NEB: variants seen among roughly 807,000 people sequenced by gnomAD.
The protein encoded by NEB is nebulin, also known as nemaline myopathy type 2.
In NEB, 512 loss-of-function variants were observed where a neutral mutation model predicts 952.2. The observed-to-expected ratio is 0.54, with a 90% CI of 0.50 to 0.58. The LOEUF is 0.58. NEB is among the 20% of genes least tolerant of loss of function. The pLI is 0.00. For synonymous variants in NEB, 2,900 were observed against 3,149.8 expected (o/e 0.92, Z 2.66); for missense variants, 8,428 against 9,231.1 (o/e 0.91, Z 3.56).
chr2:151,507,529 A>G lies in NEB; in HGVS notation c.23451+476T>C, dbSNP rs151190834. On this transcript the variant is annotated intron_variant, in intron 162 of 181. Transcript: ENST00000397345. ...GAGGAAAGGAGCCAAAGACACAGAG[A>G]TACTAGGAGAATCTGAACAAACAGC... Among the ~76,000 whole-genome samples, 345 of 152,324 alleles carry G rather than the reference A, an allele frequency of 2.3e-3. 8 individuals carry two copies. In the East Asian group the frequency reaches 0.044, roughly 20 times the overall value.
rs1464628090 is a variant in NEB, at chr2:151,609,714, G to A, written c.12330+95C>T. 11 of 1,256,310 alleles carry A rather than the reference G, an allele frequency of 8.8e-6. No individual in the cohort carries two copies. In the South Asian group the frequency reaches 1.3e-4, roughly 15 times the overall value. 77.8% of individuals were successfully genotyped at this position (1,256,310 alleles called of 1,614,324 possible). On this transcript the variant is annotated intron_variant, in intron 81 of 181. Transcript: ENST00000397345. The stretch of plus-strand genomic sequence containing the variant: ...AGCCCCACCCCCAGGTTTGTGCAGT[G>A]CACAGCCCAGGGGACTGTCCTCAGA...
Position 151,640,381 on chromosome 2 carries a change from G to A in NEB, c.8659C>T (p.Arg2887Trp), listed in dbSNP as rs748618562. The A allele has an allele frequency of 9.3e-6, 15 of 1,613,900 alleles. No homozygotes were observed. Among genetic ancestry groups the A allele is most frequent in the Admixed American group, 5.0e-5 (3 of 60,010 alleles). ...LPDQSDVIHA[R>W]QAYDLQSDNM... is the part of the protein sequence containing the mutation. ...TCGCTCTGGAGGTCATAGGCCTGCC[G>A]AGCATGGATGACGTCGCTCTGGTCG... The change falls in exon 61 of 182, where the codon CGG (arginine) becomes TGG (tryptophan). Residue 2887 changes from arginine to tryptophan, a missense_variant. By Grantham distance (101) the Arg-to-Trp change is moderately radical. Around this residue, in one of 11 missense-constraint regions of NEB, gnomAD observed 1,772 missense variants for 1,960.3 expected, o/e 0.90. Coordinates refer to ENST00000397345, the MANE Select transcript of NEB (RefSeq NM_001164508.2).
At chr2:151,658,987 G>T in intron 47 of NEB, 78 bp downstream of exon 47, 1 of 987,486 alleles carries the variant, frequency 1.0e-6, no homozygotes, top group Non-Finnish European at 1.6e-6. Context: ...TCATAACTGA[G>T]AGAGATATTA....
At chr2:151,694,737 C>T (rs989388174) in intron 18 of NEB, 108 bp from the exon 19 acceptor site, 3 of 819,710 alleles carry the variant, frequency 3.7e-6, no homozygotes, top group Non-Finnish European at 5.9e-6. Flanking sequence ...AATAAATGGG[C>T]CCTTTTTATT....
intron 65 of NEB, among the ~76,000 whole-genome samples, chr2:151,633,188 G>A (rs2098702794): frequency 6.6e-6 from 1 of 152,140 alleles, no homozygotes; most frequent in African/African-American, 2.4e-5. Context: ...TCCATAGACA[G>A]CCAGGCTAAG....
intron 60 of NEB, among the ~76,000 whole-genome samples, chr2:151,642,116 A>T (rs2098869737): frequency 6.6e-6 from 1 of 152,214 alleles, no homozygotes; most frequent in Non-Finnish European, 1.5e-5. Flanking sequence ...AAAGAAAGCA[A>T]ATATTTGTAA....
In NEB at chr2:151,688,654, C is replaced by T. The variant is rs560763551; in HGVS notation, c.2311-258G>A. Among the ~76,000 whole-genome samples the T allele has an allele frequency of 1.2e-3, 188 of 152,262 alleles. 2 individuals are homozygous for T. Among genetic ancestry groups the T allele is most frequent in the African/African-American group, 3.9e-3 (164 of 41,552 alleles). On this transcript the variant is annotated intron_variant, in intron 24 of 181. Transcript: ENST00000397345. ...ATCATAGATGGCACTGAACCCTATA[C>T]ATACCATGTTCTTTCCTATACATAT...
chr2:151,499,825 C>T (rs929909739), intron 168 of NEB, among the ~76,000 whole-genome samples: 2 of 152,128 alleles, frequency 1.3e-5, no homozygotes, highest in Non-Finnish European at 2.9e-5. Flanking sequence ...TCATTAAGTT[C>T]AAGTTGTTGT....
At chr2:151,708,629 C>A (rs1204681102) in intron 12 of NEB, among the ~76,000 whole-genome samples, 1 of 152,102 alleles carries the variant, frequency 6.6e-6, no homozygotes, top group African/African-American at 2.4e-5. Context: ...TTGATGACAC[C>A]CCAGTTTATA....
Position 151,710,442 on chromosome 2 carries a change from T to A in NEB, c.919A>T (p.Ile307Phe), listed in dbSNP as rs765108313. 6.2e-7 allele frequency: 1 copy of A among 1,610,128 alleles called. No individual in the cohort carries two copies. Reference sequence around the variant, plus strand: ...ATCCCTTCCCACTTAACTGTGCTAATGTTATCAGCATTCATTCTGGCATTT... The same window carrying A: ...ATCCCTTCCCACTTAACTGTGCTAAAGTTATCAGCATTCATTCTGGCATTT... ...VANARMNADN[I>F]STRKYQEDFE... The change falls in exon 11 of 182, where the codon ATT (isoleucine) becomes TTT (phenylalanine). Residue 307 changes from isoleucine (I) to phenylalanine (F), a missense_variant. By Grantham distance (21) the Ile-to-Phe change is conservative. Transcript: ENST00000397345.
At chr2:151,634,191 A>C (rs1454005257) in intron 64 of NEB, among the ~76,000 whole-genome samples, 1 of 152,190 alleles carries the variant, frequency 6.6e-6, no homozygotes, top group East Asian at 1.9e-4. Flanking sequence ...CCTGGTACTA[A>C]GGGATACCTC....
chr2:151,689,498 C>A (rs1220849194), intron 24 of NEB: 1 of 152,108 alleles, frequency 6.6e-6, no homozygotes, highest in East Asian at 1.9e-4. Flanking sequence ...AGCCACTGCA[C>A]CTGCCTGTGA....
At chr2:151,561,439 T>C in intron 121 of NEB, 127 bp from the exon 122 acceptor site, 2 of 687,956 alleles carry the variant, frequency 2.9e-6, no homozygotes, top group Admixed American at 4.3e-5. Flanking sequence ...AAACAGGCTG[T>C]CATTCTAGAG....
At chr2:151,487,909 C>T (rs1574389141) in intron 181 of NEB, among the ~76,000 whole-genome samples, 1 of 152,074 alleles carries the variant, frequency 6.6e-6, no homozygotes, top group East Asian at 1.9e-4. Flanking sequence ...CTATTCCTGA[C>T]CTAATTTTTT....
At chr2:151,506,289 A>G (rs1008569123) in intron 163 of NEB, 31 bp from the exon 164 acceptor site, 1 of 1,531,362 alleles carries the variant, frequency 6.5e-7, no homozygotes, top group East Asian at 2.3e-5. Flanking sequence ...CAGTGTTAAC[A>G]CAGAAGAAAA....
Position 151,575,718 on chromosome 2 carries a change from C to G in NEB, c.16990G>C (p.Ala5664Pro). The change falls in exon 107 of 182, where the codon GCA (alanine) becomes CCA (proline). Residue 5664 changes from alanine to proline, a missense_variant. Ala to Pro is a conservative substitution (Grantham distance 27). This residue lies in a region of NEB where 3,374 missense variants were observed against 3,651.5 expected (regional missense o/e 0.92). Transcript: ENST00000397345. ...ACATTGCTCACATTAAGAGCATTTG[C>G]TCTAGCGAGATTAATTTCTGGAGTA... Reference protein sequence around the residue: ...PDTPEINLARANALNVSNKLY... With the variant: ...PDTPEINLARPNALNVSNKLY... 1 of 1,605,356 alleles carries G rather than the reference C, an allele frequency of 6.2e-7. No individual in the cohort carries two copies.
At chr2:151,505,691 G>T in intron 164 of NEB, 121 bp from the exon 165 acceptor site, 2 of 787,520 alleles carry the variant, frequency 2.5e-6, no homozygotes, top group Non-Finnish European at 2.2e-6. Context: ...AATAACGCAG[G>T]CTTTATACTT....
chr2:151,576,411 G>A, intron 105 of NEB, 57 bp from the exon 106 acceptor site: 1 of 1,227,776 alleles, frequency 8.1e-7, no homozygotes, highest in South Asian at 1.8e-5. Context: ...TATGTGTGTG[G>A]TAAAATAAGG....
Position 151,549,648 on chromosome 2 carries a change from G to A in NEB, c.20037C>T (p.Tyr6679=). ...GGAGACCACTCACATAACTGCTCAT[G>A]TAACGGGTGTCCTTGATGTGTTTGA... ...PHFKHIKDTR[Y]MSSYFKYKEA... Residue 6679 remains tyrosine (Y), a synonymous_variant, in exon 130 of 182, where the codon TAC becomes TAT. Coordinates refer to ENST00000397345, the MANE Select transcript of NEB (RefSeq NM_001164508.2). 1 of 1,595,494 alleles carries A rather than the reference G, an allele frequency of 6.3e-7. No individual in the cohort carries two copies. Among genetic ancestry groups the A allele is most frequent in the Non-Finnish European group, 8.6e-7 (1 of 1,169,532 alleles).
Sources: allele counts gnomAD v4.1 joint callset (sites outside exome capture counted in the v4.1 genomes callset), GRCh38; gene constraint gnomAD v4.1.1; regional missense constraint gnomAD v4.1.1; transcripts MANE v1.5; gene names NCBI Gene and HGNC (gene_info 2026-07-23, HGNC 2026-07-21).